FAM171A1: variants seen among roughly 807,000 people sequenced by gnomAD.
The protein encoded by FAM171A1 is family with sequence similarity 171 member A1.
In FAM171A1, 23 loss-of-function variants were observed where a neutral mutation model predicts 74.9. The ratio of observed to expected loss-of-function variants is 0.31; its 90% CI spans 0.22 to 0.44. FAM171A1 has a LOEUF of 0.44. Among genes scored for constraint, FAM171A1 ranks in the 20% least tolerant of loss-of-function variants. The probability of loss-of-function intolerance (pLI) is 1.00; values close to 1 mark genes in which losing one functional copy is unlikely to be tolerated. For missense variants in FAM171A1, 1,162 were observed against 1,159.2 expected (o/e 1.00, Z -0.03); for synonymous variants, 527 against 505.7 (o/e 1.04, Z -0.57).
intron 1 of FAM171A1, among the ~76,000 whole-genome samples, chr10:15,288,925 C>T (rs375510074): frequency 1.4e-5 from 2 of 145,752 alleles, no homozygotes; most frequent in Admixed American, 7.2e-5. Context: ...CGGGTTCAAG[C>T]GATTCTCCTG....
chr10:15,299,473 A>C (rs1835202083), intron 1 of FAM171A1, among the ~76,000 whole-genome samples: 1 of 148,626 alleles, frequency 6.7e-6, no homozygotes, highest in African/African-American at 2.4e-5. Flanking sequence ...ATATGCATTT[A>C]CAGTTTTTGT....
chr10:15,278,994 G>C (rs185492041), intron 2 of FAM171A1, among the ~76,000 whole-genome samples: 1 of 152,242 alleles, frequency 6.6e-6, no homozygotes, highest in East Asian at 1.9e-4. Flanking sequence ...ACCCGGGCTA[G>C]GGTTACACTC....
At chr10:15,250,609 A>C (rs1479233673) in intron 4 of FAM171A1, among the ~76,000 whole-genome samples, 5 of 152,090 alleles carry the variant, frequency 3.3e-5, no homozygotes, top group Non-Finnish European at 5.9e-5. Context: ...AAATACAAAA[A>C]ATTAGCTGGG....
In FAM171A1 at chr10:15,284,104, C is replaced by T. The variant is rs759165071; in HGVS notation, c.99G>A (p.Glu33=). The stretch of plus-strand genomic sequence containing the variant: ...CGCTGATGTGCACCTTTAACGTCAC[C>T]TCTGGAGGTAGAGAAAGCACAAAGA... The part of the protein sequence containing the change: ...TLREPGAGAQ[E]VTLKVHISDA... The change falls in exon 2 of 8, where the codon GAG becomes GAA. Residue 33 remains glutamate, a splice_region_variant and synonymous_variant. Transcript: ENST00000378116. The T allele has an allele frequency of 1.9e-6, 3 of 1,612,910 alleles. No homozygotes were observed. Among genetic ancestry groups the T allele is most frequent in the Non-Finnish European group, 2.5e-6 (3 of 1,179,930 alleles).
At chr10:15,236,488 G>A (rs959821427) in intron 5 of FAM171A1, among the ~76,000 whole-genome samples, 3 of 151,702 alleles carry the variant, frequency 2.0e-5, no homozygotes, top group South Asian at 2.1e-4. Flanking sequence ...GCCCAGAGAC[G>A]AAAAAGGACT....
intron 3 of FAM171A1, among the ~76,000 whole-genome samples, chr10:15,263,924 C>T (rs1834703082): frequency 2.0e-5 from 3 of 151,506 alleles, no homozygotes; most frequent in Admixed American, 6.6e-5. Flanking sequence ...TCCTTCCGTC[C>T]GTCCGTCCGT....
intron 2 of FAM171A1, 103 bp downstream of exon 2, chr10:15,283,775 C>T: frequency 9.1e-7 from 1 of 1,097,214 alleles, no homozygotes; most frequent in Non-Finnish European, 1.3e-6. Flanking sequence ...TGTAGAGATG[C>T]AGTCTCACTA....
chr10:15,232,580 T>A (rs997670622), intron 5 of FAM171A1, among the ~76,000 whole-genome samples: 20 of 152,086 alleles, frequency 1.3e-4, no homozygotes, highest in African/African-American at 4.6e-4. Flanking sequence ...CCATGGGAAA[T>A]CTTCCCATTT....
intron 5 of FAM171A1, among the ~76,000 whole-genome samples, chr10:15,231,984 T>G (rs112602052): frequency 0.14 from 21,659 of 152,114 alleles, 1,664 homozygotes; most frequent in Middle Eastern, 0.17. Context: ...TCCCAGCTAC[T>G]TAGGAGGCTG....
At chr10:15,220,707 C>G (rs1015585816) in intron 6 of FAM171A1, among the ~76,000 whole-genome samples, 1 of 152,194 alleles carries the variant, frequency 6.6e-6, no homozygotes, top group East Asian at 1.9e-4. Context: ...CTGAACAAAA[C>G]AGCCACTCAA....
intron 1 of FAM171A1, among the ~76,000 whole-genome samples, chr10:15,358,761 C>T (rs1835960983): frequency 6.6e-6 from 1 of 152,234 alleles, no homozygotes; most frequent in African/African-American, 2.4e-5. Context: ...ACAGGAACCA[C>T]ACATGGGGTG....
chr10:15,344,504 CA>C (rs1274621184), intron 1 of FAM171A1, among the ~76,000 whole-genome samples: 2 of 152,170 alleles, frequency 1.3e-5, no homozygotes, highest in Non-Finnish European at 2.9e-5. Flanking sequence ...AAAACTGCAC[CA>C]TTGCACTCCA....
At chr10:15,291,916 C>T (rs1174004312) in intron 1 of FAM171A1, among the ~76,000 whole-genome samples, 1 of 152,154 alleles carries the variant, frequency 6.6e-6, no homozygotes, top group Admixed American at 6.5e-5. Flanking sequence ...ATCACTGTCA[C>T]TCTTTTTTAA....
upstream of FAM171A1, among the ~76,000 whole-genome samples, chr10:15,374,531 T>A (rs553304278): frequency 6.6e-6 from 1 of 152,368 alleles, no homozygotes; most frequent in East Asian, 1.9e-4. Context: ...CCGATCATGA[T>A]CATCAGACAC....
chr10:15,344,872 AG>A (rs1214572255), intron 1 of FAM171A1, among the ~76,000 whole-genome samples: 2 of 152,212 alleles, frequency 1.3e-5, no homozygotes, highest in African/African-American at 4.8e-5. Flanking sequence ...TCATAGGCAT[AG>A]GGGCCACCTA....
intron 1 of FAM171A1, among the ~76,000 whole-genome samples, chr10:15,359,936 G>C (rs1038921240): frequency 2.0e-5 from 3 of 152,110 alleles, no homozygotes; most frequent in African/African-American, 7.2e-5. Context: ...CTGTTTGTTT[G>C]TTTGTTTGTT....
intron 1 of FAM171A1, among the ~76,000 whole-genome samples, chr10:15,346,022 T>C (rs2131874961): frequency 6.6e-6 from 1 of 152,270 alleles, no homozygotes; most frequent in African/African-American, 2.4e-5. Flanking sequence ...GGAAAGATTG[T>C]ATAGACAGCA....
chr10:15,360,343 TA>T (rs1203151581), intron 1 of FAM171A1, among the ~76,000 whole-genome samples: 4 of 152,240 alleles, frequency 2.6e-5, no homozygotes, highest in African/African-American at 4.8e-5. Flanking sequence ...AATGGGTGGC[TA>T]AATTGCTCCA....
intron 1 of FAM171A1, among the ~76,000 whole-genome samples, chr10:15,343,436 C>T (rs1005398303): frequency 6.6e-6 from 1 of 152,152 alleles, no homozygotes; most frequent in Admixed American, 6.5e-5. Flanking sequence ...GGACCCTCAG[C>T]GCCTAGAACA....
Sources: allele counts gnomAD v4.1 joint callset (sites outside exome capture counted in the v4.1 genomes callset), GRCh38; gene constraint gnomAD v4.1.1; transcripts MANE v1.5; gene names NCBI Gene and HGNC (gene_info 2026-07-23, HGNC 2026-07-21).